MARCHF1: variants seen among roughly 807,000 people sequenced by gnomAD.
MARCHF1 encodes E3 ubiquitin-protein ligase MARCHF1.
A neutral mutation model predicts 54.2 loss-of-function variants in MARCHF1; 40 were observed. That is an observed-to-expected ratio of 0.74 (90% CI 0.57 to 0.96). MARCHF1 has a LOEUF of 0.96. MARCHF1 is among the 40% of genes least tolerant of loss of function. The pLI, the probability that MARCHF1 is intolerant of heterozygous loss-of-function variation, is 0.00. For synonymous variants in MARCHF1, 236 were observed against 236.3 expected (o/e 1.00, Z 0.01); for missense variants, 586 against 656.5 (o/e 0.89, Z 1.17).
At chr4:164,193,350 A>T (rs1731170069) in intron 1 of MARCHF1, among the ~76,000 whole-genome samples, 1 of 151,840 alleles carries the variant, frequency 6.6e-6, no homozygotes, top group African/African-American at 2.4e-5. Context: ...GATACCCTAT[A>T]TCTGTAACTT....
intron 4 of MARCHF1, among the ~76,000 whole-genome samples, chr4:163,744,309 C>G (rs376087980): frequency 6.6e-6 from 1 of 151,992 alleles, no homozygotes; most frequent in African/African-American, 2.4e-5. Context: ...ATTTTAGGTG[C>G]AGAGTTGTAT....
chr4:163,983,067 C>T (rs923053842), intron 3 of MARCHF1, among the ~76,000 whole-genome samples: 1 of 152,098 alleles, frequency 6.6e-6, no homozygotes, highest in African/African-American at 2.4e-5. Context: ...ACATGGATGA[C>T]GTACAGTAAT....
chr4:163,986,965 C>G (rs1752881816), intron 3 of MARCHF1, among the ~76,000 whole-genome samples: 2 of 152,280 alleles, frequency 1.3e-5, no homozygotes, highest in South Asian at 4.1e-4. Flanking sequence ...CCAATATGTT[C>G]ACATAAAGTT....
At chr4:164,220,165 TTG>T (rs909610169) in intron 1 of MARCHF1, among the ~76,000 whole-genome samples, 3 of 151,364 alleles carry the variant, frequency 2.0e-5, no homozygotes, top group African/African-American at 4.8e-5. Context: ...GCTATCATAT[TTG>T]TGTGAGATTT....
intron 4 of MARCHF1, among the ~76,000 whole-genome samples, chr4:163,789,648 A>G (rs566921282): frequency 1.6e-4 from 25 of 152,182 alleles, no homozygotes; most frequent in South Asian, 4.1e-4. Context: ...TAAATTTAGC[A>G]TTTTAACAAA....
chr4:163,577,494 T>C (rs1740078843), intron 8 of MARCHF1, among the ~76,000 whole-genome samples: 1 of 152,030 alleles, frequency 6.6e-6, no homozygotes, highest in Non-Finnish European at 1.5e-5. Context: ...CTGACCTTTT[T>C]CTCTAGCTGC....
intron 3 of MARCHF1, among the ~76,000 whole-genome samples, chr4:163,858,144 G>T (rs1315692474): frequency 6.6e-6 from 1 of 151,830 alleles, no homozygotes; most frequent in Non-Finnish European, 1.5e-5. Flanking sequence ...CATGTAAATG[G>T]CACTGTACTC....
intron 3 of MARCHF1, among the ~76,000 whole-genome samples, chr4:163,936,631 G>C (rs1169135013): frequency 6.6e-6 from 1 of 152,134 alleles, no homozygotes; most frequent in East Asian, 1.9e-4. Context: ...CTGGGAGCAG[G>C]CACTACCCAT....
At chr4:164,017,736 T>C (rs1264246868) in intron 2 of MARCHF1, among the ~76,000 whole-genome samples, 1 of 151,298 alleles carries the variant, frequency 6.6e-6, no homozygotes. Flanking sequence ...AATATATTTA[T>C]AGATTCAATG....
At chr4:164,269,966 A>G (rs1367771946) in intron 1 of MARCHF1, among the ~76,000 whole-genome samples, 2 of 152,304 alleles carry the variant, frequency 1.3e-5, no homozygotes, top group African/African-American at 4.8e-5. Context: ...TTCAACTCAG[A>G]AGCTATAGAG....
intron 1 of MARCHF1, among the ~76,000 whole-genome samples, chr4:164,201,192 C>G (rs1381637066): frequency 6.8e-6 from 1 of 146,032 alleles, no homozygotes; most frequent in Non-Finnish European, 1.5e-5. Context: ...ACATGTTTTA[C>G]AGACATGTTT....
rs1746520041 is a variant in MARCHF1 at position 163,751,494 on chromosome 4, G to A, written c.112-50631C>T. Among the ~76,000 whole-genome samples the A allele has an allele frequency of 2.0e-5, 3 of 151,286 alleles. No homozygotes were observed. In the South Asian group the frequency reaches 6.3e-4, roughly 32 times the overall value. ...TTTATATAGAAAAAAAGATTATGTA[G>A]GAAAATTAATATAATTAATTTTAAA... On this transcript the variant is annotated intron_variant, in intron 4 of 9. Transcript: ENST00000514618.
intron 7 of MARCHF1, 120 bp from the exon 8 acceptor site, chr4:163,586,049 G>T: frequency 1.3e-6 from 1 of 786,616 alleles, no homozygotes; most frequent in Non-Finnish European, 1.9e-6. Flanking sequence ...TAGAACACAT[G>T]GACATTTTAC....
At chr4:163,886,342 T>C (rs1750535483) in intron 3 of MARCHF1, among the ~76,000 whole-genome samples, 1 of 149,414 alleles carries the variant, frequency 6.7e-6, no homozygotes, top group Non-Finnish European at 1.5e-5. Context: ...GATAGATAGA[T>C]AGATAGATAT....
chr4:164,230,213 T>C (rs981514871), intron 1 of MARCHF1, among the ~76,000 whole-genome samples: 3 of 152,044 alleles, frequency 2.0e-5, no homozygotes, highest in Admixed American at 2.0e-4. Context: ...CTGACCAATA[T>C]GATGAAACCC....
In MARCHF1 at chr4:164,191,478, T is replaced by A. The variant is rs146314829; in HGVS notation, c.-322-79816A>T. On this transcript the variant is annotated intron_variant, in intron 1 of 9. Transcript: ENST00000514618. Reference sequence around the variant, plus strand: ...TTCTCTCTGAGTATAATATTTGTAATTATCTTTGCAATTGTCTCTACAAAT... The same window carrying A: ...TTCTCTCTGAGTATAATATTTGTAAATATCTTTGCAATTGTCTCTACAAAT... 1.3e-4 allele frequency among the ~76,000 whole-genome samples: 20 copies of A among 152,336 alleles called. No homozygotes were observed. In the East Asian group the frequency reaches 2.5e-3, roughly 19 times the overall value.
chr4:164,376,534 G>A (rs1322706784), intron 1 of MARCHF1, among the ~76,000 whole-genome samples: 1 of 152,170 alleles, frequency 6.6e-6, no homozygotes, highest in African/African-American at 2.4e-5. Context: ...GTGAACCAGG[G>A]AGAGAGTAAA....
chr4:164,247,514 G>A (rs894991986), intron 1 of MARCHF1, among the ~76,000 whole-genome samples: 1 of 150,912 alleles, frequency 6.6e-6, no homozygotes, highest in African/African-American at 2.4e-5. Flanking sequence ...GCTAGATGAC[G>A]AGTTAGTGGG....
chr4:163,630,379 CAG>C (rs1742031190), intron 5 of MARCHF1, among the ~76,000 whole-genome samples: 2 of 152,168 alleles, frequency 1.3e-5, no homozygotes, highest in East Asian at 3.9e-4. Flanking sequence ...TCAAACAATC[CAG>C]AGTGACATGA....
Sources: gnomAD v4.1 joint callset for allele counts (sites outside exome capture counted in the v4.1 genomes callset) on GRCh38, gnomAD v4.1.1 for gene constraint, MANE v1.5 for transcripts, NCBI Gene and HGNC (gene_info 2026-07-23, HGNC 2026-07-21) for gene names.